N4BP2: variants seen among roughly 807,000 people sequenced by gnomAD.
N4BP2 encodes the protein NEDD4-binding protein 2.
A neutral mutation model predicts 152.8 loss-of-function variants in N4BP2; 91 were observed. The ratio of observed to expected loss-of-function variants is 0.60; its 90% CI spans 0.50 to 0.71. The LOEUF is 0.71. N4BP2 is among the 30% of genes least tolerant of loss of function. The pLI, the probability that N4BP2 is intolerant of heterozygous loss-of-function variation, is 0.00. For missense variants in N4BP2, 1,923 were observed against 2,059.1 expected (o/e 0.93, Z 1.28); for synonymous variants, 646 against 705.3 (o/e 0.92, Z 1.33).
chr4:40,178,887 C>A, the N4BP2 span, among the ~76,000 whole-genome samples: 11 of 152,236 alleles, frequency 7.2e-5, no homozygotes, highest in African/African-American at 2.4e-4. Flanking sequence ...TTTGCTTAAA[C>A]CTGGCTGAGT....
In N4BP2 at chr4:40,152,836, C is replaced by T; in HGVS notation, c.5200C>T (p.His1734Tyr). The part of the protein sequence containing the change: ...YLSVITGRGN[H>Y]SQGGVARIKP... ...GTCTGTGATTACGGGGAGAGGAAAC[C>T]ACAGCCAGGGAGGAGTTGCTCGCAT... The change falls in exon 17 of 18, where the codon CAC becomes TAC. Residue 1734 changes from histidine (H) to tyrosine (Y), a missense_variant. Transcript: ENST00000261435. 4 of 1,613,956 alleles carry T rather than the reference C, an allele frequency of 2.5e-6. No individual in the cohort carries two copies. Among genetic ancestry groups the T allele is most frequent in the Non-Finnish European group, 3.4e-6 (4 of 1,179,914 alleles).
chr4:40,103,127 T>G lies in N4BP2; in HGVS notation c.1282T>G (p.Ser428Ala). The change falls in exon 4 of 18, where the codon TCT (serine) becomes GCT (alanine). Residue 428 changes from serine (S) to alanine (A), a missense_variant. Transcript: ENST00000261435. ...TTATCAAGTACAAGAAACCCCAGTT[T>G]CTCAGGTTGTAAGAAAGAAGACATC... ...SAYQVQETPV[S>A]QVVRKKTSYV... The G allele has an allele frequency of 3.7e-6, 6 of 1,614,190 alleles. No homozygotes were observed. Among genetic ancestry groups the G allele is most frequent in the Non-Finnish European group, 5.1e-6 (6 of 1,180,010 alleles).
At chr4:40,176,540 C>T in the N4BP2 span, among the ~76,000 whole-genome samples, 1 of 152,166 alleles carries the variant, frequency 6.6e-6, no homozygotes, top group African/African-American at 2.4e-5. Context: ...AAGCATGCCT[C>T]CCTCTCCCCC....
At chr4:40,123,786 GT>G (rs1044336623) in intron 10 of N4BP2, among the ~76,000 whole-genome samples, 2 of 147,628 alleles carry the variant, frequency 1.4e-5, no homozygotes, top group Non-Finnish European at 1.5e-5. Context: ...TGCCTGACCT[GT>G]TTTTTTTTTA....
chr4:40,187,922 A>G, the N4BP2 span, among the ~76,000 whole-genome samples: 1 of 152,378 alleles, frequency 6.6e-6, no homozygotes, highest in African/African-American at 2.4e-5. Flanking sequence ...GGGCTAACCC[A>G]GGAAATTACA....
At chr4:40,092,008 T>TTATATA (rs1221314746) in intron 2 of N4BP2, among the ~76,000 whole-genome samples, 536 of 27,178 alleles carry the variant, frequency 0.02, 25 homozygotes, top group South Asian at 0.027. Context: ...AAAAAAAAAA[T>TTATATA]TATATATATA....
At chr4:40,105,882 A>G (rs1176419907) in intron 4 of N4BP2, among the ~76,000 whole-genome samples, 3 of 152,156 alleles carry the variant, frequency 2.0e-5, no homozygotes, top group Non-Finnish European at 4.4e-5. Context: ...GCTGAGATAT[A>G]TACATGTTTA....
intron 7 of N4BP2, 25 bp from the exon 8 acceptor site, chr4:40,117,844 C>T (rs758210452): frequency 1.3e-6 from 2 of 1,575,580 alleles, no homozygotes; most frequent in Admixed American, 1.9e-5. Flanking sequence ...ATTCCTTCAA[C>T]CCTTTTTTCC....
At chr4:40,118,064 TATA>T (rs917447941) in intron 8 of N4BP2, 40 bp downstream of exon 8, 2 of 1,444,130 alleles carry the variant, frequency 1.4e-6, no homozygotes, top group Non-Finnish European at 1.9e-6. Flanking sequence ...CAATTTGAAA[TATA>T]ATTTTTAAAA....
At chr4:40,131,993 A>T in intron 13 of N4BP2, 74 bp downstream of exon 13, 1 of 935,200 alleles carries the variant, frequency 1.1e-6, no homozygotes, top group Non-Finnish European at 1.7e-6. Context: ...TATTTTTCTG[A>T]TAACAAAAAT....
At chr4:40,127,196 T>G (rs1387001272) in intron 12 of N4BP2, among the ~76,000 whole-genome samples, 1 of 150,716 alleles carries the variant, frequency 6.6e-6, no homozygotes, top group Non-Finnish European at 1.5e-5. Flanking sequence ...ACCGGCTGCA[T>G]CTTCTTCTTC....
In N4BP2 at chr4:40,097,422, G is replaced by C; in HGVS notation, c.82G>C (p.Ala28Pro). 1 of 1,614,132 alleles carries C rather than the reference G, an allele frequency of 6.2e-7. No individual in the cohort carries two copies. The highest frequency in any genetic ancestry group is 2.2e-5 in the East Asian group (1 of 44,870). Residue 28 changes from alanine to proline, a missense_variant, in exon 3 of 18, where the codon GCT becomes CCT. Coordinates refer to ENST00000261435, the MANE Select transcript of N4BP2 (RefSeq NM_018177.6). ...NPKEVVVSSV[A>P]SREEPTTTLP... ...TAAGGAAGTTGTCGTATCCAGTGTT[G>C]CTAGTCGTGAGGAGCCAACCACTAC... is the stretch of plus-strand genomic sequence containing the variant.
rs1243945958 is a variant in N4BP2 at position 40,121,557 on chromosome 4, A to G, written c.3446A>G (p.Gln1149Arg). The change falls in exon 9 of 18, where the codon CAA (glutamine) becomes CGA (arginine). Residue 1149 changes from glutamine to arginine, a missense_variant. Transcript: ENST00000261435. ...TTCCAAAAATCGTGTGATGGATCAC[A>G]AATTGGGCCTTTTTCTCTGGGGTTG... is the stretch of plus-strand genomic sequence containing the variant. ...ENFQKSCDGS[Q>R]IGPFSLGLNL... 2.5e-6 allele frequency: 4 copies of G among 1,614,160 alleles called. No individual in the cohort carries two copies. In the Admixed American group the frequency reaches 6.7e-5, roughly 27 times the overall value.
the N4BP2 span, among the ~76,000 whole-genome samples, chr4:40,176,089 C>CAAAA: frequency 1.2e-5 from 1 of 83,500 alleles, no homozygotes; most frequent in African/African-American, 4.6e-5. Flanking sequence ...GACTCCGTCT[C>CAAAA]AAAAAAAAAA....
At chr4:40,100,774 T>C (rs113213099) in intron 3 of N4BP2, among the ~76,000 whole-genome samples, 2 of 152,180 alleles carry the variant, frequency 1.3e-5, no homozygotes, top group Non-Finnish European at 2.9e-5. Context: ...CTGTGTGACT[T>C]GGGTCAAGTT....
chr4:40,086,739 T>G (rs1714005109), intron 2 of N4BP2, among the ~76,000 whole-genome samples: 1 of 151,874 alleles, frequency 6.6e-6, no homozygotes, highest in African/African-American at 2.4e-5. Flanking sequence ...TTATATAGAT[T>G]TAAAAAAATT....
chr4:40,168,283 A>G, the N4BP2 span, among the ~76,000 whole-genome samples: 9 of 152,282 alleles, frequency 5.9e-5, no homozygotes, highest in Non-Finnish European at 1.0e-4. Context: ...ACAGACAGAG[A>G]CTATCAGAAT....
chr4:40,111,331 G>T (rs1468776907), intron 5 of N4BP2, among the ~76,000 whole-genome samples: 1 of 151,930 alleles, frequency 6.6e-6, no homozygotes, highest in Non-Finnish European at 1.5e-5. Flanking sequence ...AATATGTGGG[G>T]TTTTTTTGAG....
intron 14 of N4BP2, among the ~76,000 whole-genome samples, chr4:40,138,693 G>A (rs969618242): frequency 1.3e-5 from 2 of 152,200 alleles, no homozygotes; most frequent in African/African-American, 4.8e-5. Context: ...TGGCACTCTT[G>A]TTGAAAATGA....
Sources: gnomAD v4.1 joint callset for allele counts (sites outside exome capture counted in the v4.1 genomes callset) on GRCh38, gnomAD v4.1.1 for gene constraint, MANE v1.5 for transcripts, NCBI Gene and HGNC (gene_info 2026-07-23, HGNC 2026-07-21) for gene names.